CORIN: variants seen among roughly 807,000 people sequenced by gnomAD.
The protein encoded by CORIN is corin, serine peptidase, also known as atrial natriuretic peptide-converting enzyme.
Under a neutral mutation model 125.3 loss-of-function variants are expected in CORIN, and 117 were observed. The ratio of observed to expected loss-of-function variants is 0.93; its 90% CI spans 0.80 to 1.09. The LOEUF (loss-of-function observed/expected upper bound fraction) is 1.09. Ranked by LOEUF, CORIN falls within the 50% of genes least tolerant of loss-of-function variation. The probability of loss-of-function intolerance (pLI) is 0.00; values close to 1 mark genes in which losing one functional copy is unlikely to be tolerated. For missense variants in CORIN, 1,253 were observed against 1,306.7 expected, an observed-to-expected ratio of 0.96 and a Z score of 0.63; for synonymous variants, 450 against 466.4, an observed-to-expected ratio of 0.96 and a Z score of 0.45.
At chr4:47,788,304 T>C (rs1467032554) in intron 2 of CORIN, among the ~76,000 whole-genome samples, 1 of 152,226 alleles carries the variant, frequency 6.6e-6, no homozygotes, top group Non-Finnish European at 1.5e-5. Context: ...TCTCTACATA[T>C]GCTTGACACT....
intron 2 of CORIN, among the ~76,000 whole-genome samples, chr4:47,800,908 A>G (rs919414044): frequency 1.3e-5 from 2 of 152,088 alleles, no homozygotes; most frequent in African/African-American, 4.8e-5. Flanking sequence ...AGCATCCTCC[A>G]GAGCATTGCC....
chr4:47,619,258 A>G (rs1461483309), intron 19 of CORIN, among the ~76,000 whole-genome samples: 1 of 152,236 alleles, frequency 6.6e-6, no homozygotes, highest in African/African-American at 2.4e-5. Flanking sequence ...CTACCTCTTC[A>G]TAGCAGAGCA....
intron 5 of CORIN, among the ~76,000 whole-genome samples, chr4:47,723,625 A>G (rs990342923): frequency 1.3e-5 from 2 of 152,232 alleles, no homozygotes; most frequent in Non-Finnish European, 2.9e-5. Flanking sequence ...AGCATTTTCC[A>G]GAGAATTCTA....
At chr4:47,630,659 T>A (rs1435927892) in intron 16 of CORIN, among the ~76,000 whole-genome samples, 1 of 152,206 alleles carries the variant, frequency 6.6e-6, no homozygotes, top group Non-Finnish European at 1.5e-5. Context: ...AAGTTATAAA[T>A]CAAGTTATCA....
chr4:47,630,650 A>C (rs949766325), intron 16 of CORIN, among the ~76,000 whole-genome samples: 8 of 152,228 alleles, frequency 5.3e-5, no homozygotes, highest in Admixed American at 1.3e-4. Context: ...CATATTTAGA[A>C]GTTATAAATC....
intron 2 of CORIN, among the ~76,000 whole-genome samples, chr4:47,793,936 C>G (rs1475750781): frequency 6.6e-6 from 1 of 152,080 alleles, no homozygotes; most frequent in Non-Finnish European, 1.5e-5. Flanking sequence ...CCATGGGCCA[C>G]ACTTGAGAAC....
intron 3 of CORIN, among the ~76,000 whole-genome samples, chr4:47,765,188 T>C (rs2109874456): frequency 6.7e-6 from 1 of 149,438 alleles, no homozygotes; most frequent in South Asian, 2.1e-4. Flanking sequence ...GCGGGCGTTG[T>C]GGGGGGCGTG....
chr4:47,619,892 A>G (rs934292006), intron 19 of CORIN, among the ~76,000 whole-genome samples: 1 of 152,240 alleles, frequency 6.6e-6, no homozygotes, highest in African/African-American at 2.4e-5. Flanking sequence ...TGCAAAAGAC[A>G]TCTGGAAACA....
At chr4:47,674,360 A>G (rs1480427664) in intron 10 of CORIN, 33 bp downstream of exon 10, 1 of 1,396,736 alleles carries the variant, frequency 7.2e-7, no homozygotes, top group East Asian at 2.3e-5. Context: ...ATGCCCTGAC[A>G]TGGCTATTGC....
At chr4:47,659,657 C>A in intron 12 of CORIN, among the ~76,000 whole-genome samples, 1 of 152,080 alleles carries the variant, frequency 6.6e-6, no homozygotes, top group East Asian at 1.9e-4. Context: ...AGGAGATGAC[C>A]CAAACCAATC....
At chr4:47,692,937 A>G in intron 6 of CORIN, 33 bp downstream of exon 6, 1 of 1,489,100 alleles carries the variant, frequency 6.7e-7, no homozygotes. Flanking sequence ...ATCCCTGTCC[A>G]CTCAGACAAA....
In CORIN at chr4:47,838,014, G is replaced by A. The variant is rs1045381368; in HGVS notation, c.-65C>T. The A allele has an allele frequency of 6.3e-7, 1 of 1,598,128 alleles. No individual in the cohort carries two copies. The highest frequency in any genetic ancestry group is 1.3e-5 in the African/African-American group (1 of 74,532). Reference sequence around the variant, plus strand: ...TTGGTCGCTTTTCTCTCCTCTACGTGTCCCCCGGGGAGGCACTACGGATGA... The same window carrying A: ...TTGGTCGCTTTTCTCTCCTCTACGTATCCCCCGGGGAGGCACTACGGATGA... On this transcript the variant is annotated 5_prime_UTR_variant, in exon 1 of 22. Coordinates refer to ENST00000273857, the MANE Select transcript of CORIN (RefSeq NM_006587.4).
intron 4 of CORIN, among the ~76,000 whole-genome samples, chr4:47,756,801 G>A (rs760242361): frequency 2.0e-5 from 3 of 152,156 alleles, no homozygotes; most frequent in Non-Finnish European, 4.4e-5. Flanking sequence ...GCAATGTACT[G>A]GAACATATAA....
chr4:47,634,968 GT>G (rs1722966617), intron 16 of CORIN, among the ~76,000 whole-genome samples: 1 of 152,214 alleles, frequency 6.6e-6, no homozygotes, highest in South Asian at 2.1e-4. Context: ...TTAGTTCATT[GT>G]TCTTGAGAGT....
In CORIN at chr4:47,647,375, T is replaced by A. The variant is rs1283889195; in HGVS notation, c.1844-2181A>T. On this transcript the variant is annotated intron_variant, in intron 13 of 21. Transcript: ENST00000273857. Reference sequence around the variant, plus strand: ...TAATAGAGAATGAAATAAAATAGCATGAGTTTTTCCTGACGATTCCCAAGG... The same window carrying A: ...TAATAGAGAATGAAATAAAATAGCAAGAGTTTTTCCTGACGATTCCCAAGG... Among the ~76,000 whole-genome samples the A allele has an allele frequency of 5.3e-5, 8 of 152,126 alleles. No homozygotes were observed. The East Asian group carries it at 1.5e-3, about 29-fold the overall frequency.
At chr4:47,668,881 C>T (rs1309721634) in intron 10 of CORIN, among the ~76,000 whole-genome samples, 1 of 152,084 alleles carries the variant, frequency 6.6e-6, no homozygotes, top group African/African-American at 2.4e-5. Flanking sequence ...GAGTTTTATT[C>T]CTTTAAAGGC....
intron 11 of CORIN, among the ~76,000 whole-genome samples, chr4:47,662,636 A>G (rs939120752): frequency 6.6e-6 from 1 of 152,096 alleles, no homozygotes; most frequent in Admixed American, 6.6e-5. Context: ...TAAAAAAAAA[A>G]CTAACCAAAG....
intron 19 of CORIN, among the ~76,000 whole-genome samples, chr4:47,615,916 T>TC (rs1193693769): frequency 6.6e-6 from 1 of 152,136 alleles, no homozygotes; most frequent in Non-Finnish European, 1.5e-5. Context: ...GGAAGAAGAT[T>TC]CTACAGGATT....
intron 4 of CORIN, among the ~76,000 whole-genome samples, chr4:47,750,706 G>T (rs1471358899): frequency 6.6e-6 from 1 of 152,154 alleles, no homozygotes. Context: ...CTGGCAGAAA[G>T]GAAACCAGGG....
Sources: allele counts gnomAD v4.1 joint callset (sites outside exome capture counted in the v4.1 genomes callset), GRCh38; gene constraint gnomAD v4.1.1; transcripts MANE v1.5; gene names NCBI Gene and HGNC (gene_info 2026-07-23, HGNC 2026-07-21).